The following SPAG16 variants were observed in gnomAD, a reference collection of about 807,000 sequenced individuals.
SPAG16 encodes the protein sperm associated antigen 16, also known as sperm-associated antigen 16 protein.
A neutral mutation model predicts 80.4 loss-of-function variants in SPAG16; 86 were observed. The ratio of observed to expected loss-of-function variants is 1.07; its 90% CI spans 0.90 to 1.28. SPAG16 has a LOEUF of 1.28. SPAG16 is among the 50% of genes most tolerant of loss of function. The pLI is 0.00. For synonymous variants in SPAG16, 294 were observed against 265.9 expected (o/e 1.11, Z -1.03); for missense variants, 870 against 765.3 (o/e 1.14, Z -1.61).
At chr2:213,594,944 TG>T (rs1292696234) in intron 10 of SPAG16, among the ~76,000 whole-genome samples, 1 of 152,096 alleles carries the variant, frequency 6.6e-6, no homozygotes, top group African/African-American at 2.4e-5. Context: ...TATCCTTATC[TG>T]TCTGTCTGTC....
At chr2:213,651,121 A>G (rs551010095) in intron 10 of SPAG16, among the ~76,000 whole-genome samples, 1 of 152,336 alleles carries the variant, frequency 6.6e-6, no homozygotes, top group Non-Finnish European at 1.5e-5. Flanking sequence ...TAAATACTGT[A>G]TCAATAAGAA....
intron 15 of SPAG16, among the ~76,000 whole-genome samples, chr2:214,390,436 G>C (rs575654242): frequency 6.6e-6 from 1 of 150,620 alleles, no homozygotes; most frequent in Non-Finnish European, 1.5e-5. Context: ...AATTAAACTT[G>C]GCTTCCTGGA....
intron 5 of SPAG16, among the ~76,000 whole-genome samples, chr2:213,323,106 G>T (rs974850835): frequency 7.9e-5 from 12 of 152,248 alleles, no homozygotes; most frequent in African/African-American, 2.9e-4. Flanking sequence ...AAGTAAACGA[G>T]AAATCACCTC....
Position 213,942,095 on chromosome 2 carries a change from G to T in SPAG16, c.1400+11950G>T, listed in dbSNP as rs552800768. 2.6e-5 allele frequency among the ~76,000 whole-genome samples: 4 copies of T among 152,118 alleles called. No individual in the cohort carries two copies. The East Asian group carries it at 7.7e-4, about 29-fold the overall frequency. ...TCTTTTCTTCTTCCCCTGAGTAGAT[G>T]CCAAGGTCTTCCTCACAGAGTTTCA... On this transcript the variant is annotated intron_variant, in intron 12 of 15. Transcript: ENST00000331683.
intron 9 of SPAG16, among the ~76,000 whole-genome samples, chr2:213,387,797 A>G (rs1009807285): frequency 1.4e-4 from 22 of 152,058 alleles, no homozygotes; most frequent in Non-Finnish European, 2.2e-4. Context: ...GTGAAAAAAT[A>G]TTTAGATTGT....
chr2:213,668,138 C>T (rs1231080988), intron 10 of SPAG16, among the ~76,000 whole-genome samples: 3 of 152,006 alleles, frequency 2.0e-5, no homozygotes, highest in African/African-American at 7.2e-5. Flanking sequence ...ACGGTTTCAC[C>T]ATGTTGGCCA....
intron 8 of SPAG16, chr2:213,365,545 C>A (rs1007223021): frequency 3.3e-5 from 5 of 151,888 alleles, no homozygotes; most frequent in Non-Finnish European, 7.3e-5. Context: ...GCAGCCTCCA[C>A]CTCCCAGGTT....
chr2:214,043,154 A>G (rs1053706089), intron 13 of SPAG16, among the ~76,000 whole-genome samples: 2 of 151,812 alleles, frequency 1.3e-5, no homozygotes, highest in African/African-American at 2.4e-5. Context: ...TCAGATCTCT[A>G]TATGACAACC....
At chr2:213,859,802 C>A (rs2075341920) in intron 10 of SPAG16, among the ~76,000 whole-genome samples, 1 of 152,136 alleles carries the variant, frequency 6.6e-6, no homozygotes, top group South Asian at 2.1e-4. Flanking sequence ...GTCACTAAGT[C>A]ATGTATTTGA....
chr2:214,265,053 C>T (rs533248833), intron 15 of SPAG16, among the ~76,000 whole-genome samples: 12 of 152,232 alleles, frequency 7.9e-5, no homozygotes, highest in South Asian at 4.1e-4. Flanking sequence ...TGGCTGCTTT[C>T]GTGTTTTTGC....
At chr2:214,136,796 G>T (rs1357306253) in intron 14 of SPAG16, among the ~76,000 whole-genome samples, 2 of 152,102 alleles carry the variant, frequency 1.3e-5, no homozygotes, top group African/African-American at 4.8e-5. Flanking sequence ...TGCTGCATAG[G>T]CCTGTCCTAA....
intron 10 of SPAG16, among the ~76,000 whole-genome samples, chr2:213,677,525 C>T (rs1447371329): frequency 1.3e-5 from 2 of 151,932 alleles, no homozygotes; most frequent in Non-Finnish European, 2.9e-5. Context: ...CAAAGAAGGC[C>T]ATTACATAAT....
At chr2:213,339,695 A>G (rs1013098061) in intron 5 of SPAG16, among the ~76,000 whole-genome samples, 2 of 152,150 alleles carry the variant, frequency 1.3e-5, no homozygotes, top group African/African-American at 4.8e-5. Context: ...TAGAATTTAT[A>G]TGCTTTCTTT....
At chr2:213,720,348 C>T (rs1025746331) in intron 10 of SPAG16, among the ~76,000 whole-genome samples, 1 of 151,772 alleles carries the variant, frequency 6.6e-6, no homozygotes, top group African/African-American at 2.4e-5. Context: ...AAAAAATAGG[C>T]CAGGCGCAGT....
rs139676713 is a variant in SPAG16 at position 213,911,388 on chromosome 2, C to A, written c.1215-18572C>A. Among the ~76,000 whole-genome samples, 987 of 152,212 alleles carry A rather than the reference C, an allele frequency of 6.5e-3. 9 individuals carry two copies. The highest frequency in any genetic ancestry group is 0.023 in the African/African-American group (954 of 41,518). The stretch of plus-strand genomic sequence containing the variant: ...TTGAACTCCTGAGCTCAAGCAATCT[C>A]CCTGCCTTGGCCTCCCAAAATGCTG... On this transcript the variant is annotated intron_variant, in intron 11 of 15. Transcript: ENST00000331683.
intron 5 of SPAG16, 85 bp downstream of exon 5, chr2:213,317,441 C>A (rs1358948151): frequency 4.3e-6 from 6 of 1,403,004 alleles, no homozygotes; most frequent in Non-Finnish European, 5.6e-6. Flanking sequence ...TGTAATATAC[C>A]AGAGCCTTAA....
At chr2:213,785,663 T>G (rs1469898636) in intron 10 of SPAG16, among the ~76,000 whole-genome samples, 3 of 152,194 alleles carry the variant, frequency 2.0e-5, no homozygotes, top group Admixed American at 6.5e-5. Flanking sequence ...GAGTTAACAT[T>G]TGAAAGTACA....
intron 10 of SPAG16, among the ~76,000 whole-genome samples, chr2:213,766,637 CAAAA>C (rs914084140): frequency 6.6e-6 from 1 of 152,030 alleles, no homozygotes; most frequent in Non-Finnish European, 1.5e-5. Flanking sequence ...AAGCACCAAA[CAAAA>C]AGGCTCTAGT....
At chr2:214,022,629 A>G (rs751080671) in intron 13 of SPAG16, among the ~76,000 whole-genome samples, 2 of 152,006 alleles carry the variant, frequency 1.3e-5, no homozygotes, top group Non-Finnish European at 1.5e-5. Context: ...CTATTTTCAC[A>G]ATGGTTGGAT....
Sources: allele counts gnomAD v4.1 joint callset (sites outside exome capture counted in the v4.1 genomes callset), GRCh38; gene constraint gnomAD v4.1.1; transcripts MANE v1.5; gene names NCBI Gene and HGNC (gene_info 2026-07-23, HGNC 2026-07-21).